AKR7A3: variants seen among roughly 807,000 people sequenced by gnomAD.
AKR7A3 encodes AFB1 aldehyde reductase 2.
Under a neutral mutation model 32.5 loss-of-function variants are expected in AKR7A3, and 37 were observed. That is an observed-to-expected ratio of 1.14 (90% CI 0.88 to 1.50). AKR7A3 has a LOEUF of 1.50. Ranked by LOEUF, AKR7A3 falls within the 40% of genes most tolerant of loss-of-function variation. AKR7A3 has a pLI of 0.00. For missense variants in AKR7A3, 412 were observed against 453.2 expected, an observed-to-expected ratio of 0.91 and a Z score of 0.83; for synonymous variants, 177 against 188.4, an observed-to-expected ratio of 0.94 and a Z score of 0.50.
downstream of AKR7A3, among the ~76,000 whole-genome samples, chr1:19,281,370 G>A (rs2093718619): frequency 6.6e-6 from 1 of 151,878 alleles, no homozygotes; most frequent in Non-Finnish European, 1.5e-5. Flanking sequence ...GGGTGTGGTG[G>A]CTCATGCCTG....
chr1:19,287,587 G>A (rs1281198615), intron 1 of AKR7A3, among the ~76,000 whole-genome samples: 1 of 151,866 alleles, frequency 6.6e-6, no homozygotes, highest in South Asian at 2.1e-4. Context: ...GACTGAGGGC[G>A]GCTCCTCCTG....
downstream of AKR7A3, chr1:19,282,563 C>T (rs2093720569): frequency 1.8e-5 from 21 of 1,166,830 alleles, 1 homozygote; most frequent in South Asian, 3.0e-4. Flanking sequence ...CAGACTAACA[C>T]ACAGCACCCT....
downstream of AKR7A3, among the ~76,000 whole-genome samples, chr1:19,278,339 C>G (rs1181636485): frequency 6.6e-6 from 1 of 151,752 alleles, no homozygotes; most frequent in Non-Finnish European, 1.5e-5. Flanking sequence ...GCAGACAGAT[C>G]ATGAGGTCAG....
At chr1:19,287,806 T>C (rs2151983007) in intron 1 of AKR7A3, among the ~76,000 whole-genome samples, 1 of 152,314 alleles carries the variant, frequency 6.6e-6, no homozygotes, top group African/African-American at 2.4e-5. Flanking sequence ...TCTCTAGAAC[T>C]GGAGCTTCCT....
the AKR7A3 span, among the ~76,000 whole-genome samples, chr1:19,275,174 G>A: frequency 6.6e-6 from 1 of 151,804 alleles, no homozygotes. Flanking sequence ...ACTTTGGGAG[G>A]CCGAGGGGGG....
chr1:19,276,013 C>T, the AKR7A3 span, among the ~76,000 whole-genome samples: 4 of 152,038 alleles, frequency 2.6e-5, no homozygotes, highest in South Asian at 8.3e-4. Flanking sequence ...ACACCACTCT[C>T]AACAGTTGTA....
intron 5 of AKR7A3, 135 bp from the exon 6 acceptor site, chr1:19,284,260 C>A: frequency 1.5e-6 from 2 of 1,295,894 alleles, no homozygotes; most frequent in East Asian, 2.5e-5. Context: ...ATGGGTCTCC[C>A]ACTTTGCTGG....
chr1:19,275,555 C>G, the AKR7A3 span, among the ~76,000 whole-genome samples: 3 of 151,996 alleles, frequency 2.0e-5, no homozygotes, highest in East Asian at 3.9e-4. Flanking sequence ...CCTGTAATCT[C>G]AGCACTTTGG....
At chr1:19,278,679 G>GCC (rs1394838841), downstream of AKR7A3, among the ~76,000 whole-genome samples, 1 of 151,858 alleles carries the variant, frequency 6.6e-6, no homozygotes, top group East Asian at 1.9e-4. Context: ...CATGTATTCA[G>GCC]AGGTGTACAA....
chr1:19,282,022 G>A (rs2093719560), downstream of AKR7A3, among the ~76,000 whole-genome samples: 1 of 151,918 alleles, frequency 6.6e-6, no homozygotes. Flanking sequence ...ATGAGACTTT[G>A]GCCTTATGAT....
At chr1:19,278,001 C>T (rs544637863), downstream of AKR7A3, among the ~76,000 whole-genome samples, 2 of 151,948 alleles carry the variant, frequency 1.3e-5, no homozygotes, top group East Asian at 3.9e-4. Flanking sequence ...TTTTCTTTTG[C>T]CACGTGTGCT....
chr1:19,285,515 C>T (rs1272586729), intron 3 of AKR7A3, among the ~76,000 whole-genome samples: 2 of 151,606 alleles, frequency 1.3e-5, no homozygotes, highest in Admixed American at 6.6e-5. Flanking sequence ...AGGAGGTAAA[C>T]AAGGACCTGA....
At chr1:19,285,809 G>T in intron 3 of AKR7A3, 79 bp downstream of exon 3, 1 of 1,558,954 alleles carries the variant, frequency 6.4e-7, no homozygotes, top group South Asian at 1.1e-5. Flanking sequence ...GAGGGCACAG[G>T]GGGCAGTCAG....
chr1:19,282,121 CG>C (rs375351842), downstream of AKR7A3, among the ~76,000 whole-genome samples: 171 of 151,684 alleles, frequency 1.1e-3, 2 homozygotes, highest in Middle Eastern at 6.8e-3. Flanking sequence ...ATGACATTTG[CG>C]GGGGGGTGGT....
intron 1 of AKR7A3, among the ~76,000 whole-genome samples, chr1:19,286,665 G>T (rs1049418768): frequency 1.3e-5 from 2 of 151,754 alleles, no homozygotes; most frequent in African/African-American, 2.4e-5. Flanking sequence ...CACAGAGTGA[G>T]ACTTCTCAAA....
chr1:19,283,556 G>A (rs537442447), intron 6 of AKR7A3, among the ~76,000 whole-genome samples: 23 of 152,156 alleles, frequency 1.5e-4, no homozygotes, highest in African/African-American at 4.6e-4. Context: ...AAGGCCGAGC[G>A]CAGGGGCTCA....
Position 19,286,165 on chromosome 1 carries a change from G to A in AKR7A3, c.402+20C>T. On this transcript the variant is annotated intron_variant, in intron 2 of 6. Transcript: ENST00000361640. ...GAGAGCAGCAGTGGACCACCTCCCA[G>A]AGCTCAGGGGTCCCCTCACCTCCTG... The A allele has an allele frequency of 1.2e-6, 2 of 1,611,344 alleles. No homozygotes were observed. The highest frequency in any genetic ancestry group is 1.7e-6 in the Non-Finnish European group (2 of 1,179,184).
chr1:19,280,671 C>A (rs1364152337), downstream of AKR7A3, among the ~76,000 whole-genome samples: 1 of 151,120 alleles, frequency 6.6e-6, no homozygotes, highest in Non-Finnish European at 1.5e-5. Context: ...CCTGGGTTCA[C>A]ACCATTCTCC....
At position 19,288,554 on chromosome 1, in the gene AKR7A3, G is replaced by T. The variant is rs772305596; in HGVS notation, c.156C>A (p.Gly52=). ...GGCCGCCAAGGATGGTCTCGGACTG[G>T]CCCTCGCTGTACACGAAGGCCGTGT... ...EIDTAFVYSE[G]QSETILGGLG... is the part of the protein sequence containing the mutation. The change falls in exon 1 of 7, where the codon GGC becomes GGA. Residue 52 remains glycine (G), a synonymous_variant. Coordinates refer to ENST00000361640, the MANE Select transcript of AKR7A3 (RefSeq NM_012067.3). 6.2e-7 allele frequency: 1 copy of T among 1,610,578 alleles called. No homozygotes were observed.
Sources: allele counts gnomAD v4.1 joint callset (sites outside exome capture counted in the v4.1 genomes callset), GRCh38; gene constraint gnomAD v4.1.1; transcripts MANE v1.5; gene names NCBI Gene and HGNC (gene_info 2026-07-23, HGNC 2026-07-21).